The following SNRPF variants were observed in gnomAD, a reference collection of about 807,000 sequenced individuals.
SNRPF encodes small nuclear ribonucleoprotein polypeptide F.
Under a neutral mutation model 13.4 loss-of-function variants are expected in SNRPF, and 1 was observed. The ratio of observed to expected loss-of-function variants is 0.07; its 90% CI spans 0.03 to 0.35. SNRPF has a LOEUF of 0.35. Ranked by LOEUF, SNRPF falls within the 10% of genes least tolerant of loss-of-function variation. SNRPF has a pLI of 0.99. For missense variants in SNRPF, 53 were observed against 101.0 expected (o/e 0.52, Z 2.04); for synonymous variants, 27 against 32.1 (o/e 0.84, Z 0.54).
intron 2 of SNRPF, 62 bp from the exon 3 acceptor site, chr12:95,865,262 T>G (rs1287464790): frequency 2.5e-6 from 2 of 786,658 alleles, no homozygotes; most frequent in African/African-American, 3.4e-5. Context: ...TCACCAATAT[T>G]AGCTGTATTG....
intron 2 of SNRPF, among the ~76,000 whole-genome samples, chr12:95,863,022 G>A (rs970319366): frequency 2.6e-5 from 4 of 151,132 alleles, no homozygotes; most frequent in East Asian, 2.0e-4. Context: ...TTTTTTAATG[G>A]TAGTAGTTTC....
At chr12:95,865,259 T>C in intron 2 of SNRPF, 65 bp from the exon 3 acceptor site, 1 of 764,256 alleles carries the variant, frequency 1.3e-6, no homozygotes, top group Non-Finnish European at 2.3e-6. Flanking sequence ...CTCTCACCAA[T>C]ATTAGCTGTA....
chr12:95,865,930 A>G, intron 3 of SNRPF, 75 bp from the exon 4 acceptor site: 2 of 621,898 alleles, frequency 3.2e-6, no homozygotes, highest in South Asian at 2.2e-5. Context: ...CAGTATTTTC[A>G]TAATAAAAAT....
At chr12:95,864,707 C>G (rs146857744) in intron 2 of SNRPF, among the ~76,000 whole-genome samples, 57 of 152,316 alleles carry the variant, frequency 3.7e-4, no homozygotes, top group African/African-American at 1.3e-3. Context: ...AAATTCAAGA[C>G]CAGCTTGGGC....
In SNRPF at chr12:95,861,282, A is replaced by C; in HGVS notation, c.118A>C (p.Met40Leu). The change falls in exon 2 of 4, where the codon ATG becomes CTG. Residue 40 changes from methionine (M) to leucine (L), a missense_variant. Met to Leu is a conservative substitution (Grantham distance 15). Coordinates refer to ENST00000266735, the MANE Select transcript of SNRPF (RefSeq NM_003095.5). ...CTATCTGGTATCTGTAGATGGCTAC[A>C]TGAACATGCAGGTAAGCTAAAGAGC... ...KGYLVSVDGYMNMQLANTEEY... is the reference protein window; with the variant it reads ...KGYLVSVDGYLNMQLANTEEY... 1 of 1,611,222 alleles carries C rather than the reference A, an allele frequency of 6.2e-7. No homozygotes were observed. Among genetic ancestry groups the C allele is most frequent in the East Asian group, 2.2e-5 (1 of 44,722 alleles).
intron 1 of SNRPF, 126 bp from the exon 2 acceptor site, chr12:95,861,042 A>G: frequency 1.4e-6 from 1 of 720,704 alleles, no homozygotes; most frequent in Non-Finnish European, 2.2e-6. Context: ...AAAATTATGT[A>G]CTAAAATAAT....
chr12:95,861,080 A>C, intron 1 of SNRPF, 88 bp from the exon 2 acceptor site: 1 of 1,275,728 alleles, frequency 7.8e-7, no homozygotes, highest in Non-Finnish European at 1.1e-6. Context: ...CTTCATTTGC[A>C]TACCACAAAA....
intron 1 of SNRPF, among the ~76,000 whole-genome samples, chr12:95,860,473 CT>C (rs1194279467): frequency 3.9e-5 from 6 of 152,294 alleles, no homozygotes; most frequent in Middle Eastern, 3.4e-3. Flanking sequence ...AGTATATCTC[CT>C]TTTACTACAG....
At chr12:95,862,993 G>A (rs1437021680) in intron 2 of SNRPF, among the ~76,000 whole-genome samples, 1 of 151,980 alleles carries the variant, frequency 6.6e-6, no homozygotes, top group East Asian at 1.9e-4. Context: ...TAAAAAATTA[G>A]TTTGGGATTT....
Position 95,858,991 on chromosome 12 carries a change from C to G in SNRPF, c.-83C>G, listed in dbSNP as rs1017667263. On this transcript the variant is annotated 5_prime_UTR_variant, in exon 1 of 4. Transcript: ENST00000266735. ...TTTCTCTTGAAACTGCGGCTCGGGA[C>G]CTGCGGTACCTGCTGTAGTCACGAG... 2 of 1,592,112 alleles carry G rather than the reference C, an allele frequency of 1.3e-6. No homozygotes were observed. The highest frequency in any genetic ancestry group is 1.3e-5 in the African/African-American group (1 of 74,660).
chr12:95,860,851 G>GAT (rs2079492284), intron 1 of SNRPF, among the ~76,000 whole-genome samples: 1 of 48,772 alleles, frequency 2.1e-5, no homozygotes, highest in Non-Finnish European at 4.4e-5. Context: ...TACCTGGCCC[G>GAT]CTTTTTTTTT....
chr12:95,865,350 T>C lies in SNRPF; in HGVS notation c.156T>C (p.Asp52=). The C allele has an allele frequency of 1.3e-6, 2 of 1,566,764 alleles. No individual in the cohort carries two copies. The highest frequency in any genetic ancestry group is 1.7e-4 in the Middle Eastern group (1 of 5,902). Residue 52 remains aspartate, a synonymous_variant, in exon 3 of 4, where the codon GAT becomes GAC. Transcript: ENST00000266735. ...TTGCAAATACAGAAGAATACATAGA[T>C]GGAGCTTTGTCTGGACATCTGGGTG... is the stretch of plus-strand genomic sequence containing the variant. ...MQLANTEEYI[D]GALSGHLGEV...
At position 95,866,136 on chromosome 12, in the gene SNRPF, C is replaced by A; in HGVS notation, c.*65C>A. The stretch of plus-strand genomic sequence containing the variant: ...CAATAAAGATTTGTTTGTTTTTCAA[C>A]TTGACTTGTGAACTATTTGTATTCA... On this transcript the variant is annotated 3_prime_UTR_variant, in exon 4 of 4. Transcript: ENST00000266735. 1.2e-6 allele frequency: 1 copy of A among 823,624 alleles called. No homozygotes were observed. The highest frequency in any genetic ancestry group is 2.0e-6 in the Non-Finnish European group (1 of 511,380). 51.0% of individuals were successfully genotyped at this position (823,624 alleles called of 1,614,324 possible).
chr12:95,861,223 T>C lies in SNRPF; in HGVS notation c.59T>C (p.Met20Thr), dbSNP rs747786954. The change falls in exon 2 of 4, where the codon ATG (methionine) becomes ACG (threonine). Residue 20 changes from methionine to threonine, a missense_variant. Transcript: ENST00000266735. ...AATGGACTAACAGGAAAGCCAGTGA[T>C]GGTGAAACTTAAGTGGGGAATGGAG... ...FLNGLTGKPV[M>T]VKLKWGMEYK... 8 of 1,612,488 alleles carry C rather than the reference T, an allele frequency of 5.0e-6. No individual in the cohort carries two copies. The highest frequency in any genetic ancestry group is 5.9e-6 in the Non-Finnish European group (7 of 1,179,078).
Position 95,858,967 on chromosome 12 carries a change from T to G in SNRPF, c.-107T>G, listed in dbSNP as rs1306260568. 5.1e-6 allele frequency: 8 copies of G among 1,554,040 alleles called. No individual in the cohort carries two copies. Among genetic ancestry groups the G allele is most frequent in the Non-Finnish European group, 7.0e-6 (8 of 1,142,188 alleles). ...GGTCATAGTCCTGTTTGGCGGCCAT[T>G]TCTCTTGAAACTGCGGCTCGGGACC... On this transcript the variant is annotated 5_prime_UTR_variant, in exon 1 of 4. The change creates a new upstream start codon in the 5' untranslated region. Transcript: ENST00000266735.
At chr12:95,865,180 C>A in intron 2 of SNRPF, 144 bp from the exon 3 acceptor site, 1 of 431,818 alleles carries the variant, frequency 2.3e-6, no homozygotes. Context: ...TAATAGAAAG[C>A]TCATCTTCTG....
intron 2 of SNRPF, among the ~76,000 whole-genome samples, chr12:95,863,381 A>G (rs761717595): frequency 6.6e-6 from 1 of 152,240 alleles, no homozygotes; most frequent in African/African-American, 2.4e-5. Context: ...ATTTTATGCT[A>G]TGGAAATTAA....
chr12:95,860,045 T>G (rs1468458646), intron 1 of SNRPF, among the ~76,000 whole-genome samples: 2 of 152,206 alleles, frequency 1.3e-5, no homozygotes, highest in African/African-American at 2.4e-5. Flanking sequence ...CTTAGTTCTC[T>G]TCTTTGTTTG....
intron 2 of SNRPF, chr12:95,861,577 G>T: frequency 4.4e-6 from 1 of 229,690 alleles, no homozygotes; most frequent in Non-Finnish European, 8.5e-6. Context: ...CTACTTTGCT[G>T]GAGAAAACAA....
Sources: allele counts gnomAD v4.1 joint callset (sites outside exome capture counted in the v4.1 genomes callset), GRCh38; gene constraint gnomAD v4.1.1; transcripts MANE v1.5; gene names NCBI Gene and HGNC (gene_info 2026-07-23, HGNC 2026-07-21).